C9orf72: variants seen among roughly 807,000 people sequenced by gnomAD.
The protein encoded by C9orf72 is C9orf72-SMCR8 complex subunit.
Under a neutral mutation model 51.6 loss-of-function variants are expected in C9orf72, and 44 were observed. The ratio of observed to expected loss-of-function variants is 0.85; its 90% CI spans 0.67 to 1.10. The LOEUF (loss-of-function observed/expected upper bound fraction) is 1.10. Among genes scored for constraint, C9orf72 ranks in the 50% least tolerant of loss-of-function variants. The probability of loss-of-function intolerance (pLI) is 0.00; values close to 1 mark genes in which losing one functional copy is unlikely to be tolerated. For synonymous variants in C9orf72, 213 were observed against 194.2 expected (o/e 1.10, Z -0.81); for missense variants, 607 against 570.6 (o/e 1.06, Z -0.65).
At chr9:27,550,145 C>G (rs1285701263) in intron 9 of C9orf72, among the ~76,000 whole-genome samples, 2 of 149,020 alleles carry the variant, frequency 1.3e-5, no homozygotes, top group South Asian at 4.2e-4. Context: ...TATATATATC[C>G]TACAATGCTG....
At position 27,573,452 on chromosome 9, in the gene C9orf72, T is replaced by TCCGCCG. The variant is rs986474846; in HGVS notation, c.-72_-67dup. The TCCGCCG allele has an allele frequency of 1.4e-5, 2 of 143,796 alleles. No homozygotes were observed. Among genetic ancestry groups the TCCGCCG allele is most frequent in the Non-Finnish European group, 3.1e-5 (2 of 65,380 alleles). The allele number at this position is 143,796 out of a possible 1,614,324, so 8.9% of individuals were successfully genotyped here. ...TCACCCACTCGCCACCGCCTGCGCC[T>TCCGCCG]CCGCCGCCGCGGGCGCAGGCACCGC... On this transcript the variant is annotated 5_prime_UTR_variant, in exon 1 of 11. Transcript: ENST00000380003.
Position 27,562,354 on chromosome 9 carries a change from T to C in C9orf72, c.600+27A>G, listed in dbSNP as rs2589050. ...CTATAACCCCAAAAAACTCATAAAG[T>C]GTATAATTGCTCTCATTTAAACTTA... is the stretch of plus-strand genomic sequence containing the variant. On this transcript the variant is annotated intron_variant, in intron 4 of 10. Transcript: ENST00000380003. 1,188,008 of 1,188,130 alleles carry C rather than the reference T, an allele frequency of 1. 593,943 individuals carry two copies. The highest frequency in any genetic ancestry group is 1 in the East Asian group (40,418 of 40,418). The allele number at this position is 1,188,130 out of a possible 1,614,324, so 73.6% of individuals were successfully genotyped here. A position where few individuals can be genotyped will look rare whatever the true frequency, so the allele number is the denominator to read the frequency against.
In C9orf72 at chr9:27,547,039, A is replaced by G. The variant is rs1563897039; in HGVS notation, c.*1197T>C. Reference sequence around the variant, plus strand: ...GTAACTACAATGTCAACATTGTGTTAGAATTATATTAATCAGTTATTTTAT... The same window carrying G: ...GTAACTACAATGTCAACATTGTGTTGGAATTATATTAATCAGTTATTTTAT... On this transcript the variant is annotated 3_prime_UTR_variant, in exon 11 of 11. Coordinates refer to ENST00000380003, the MANE Select transcript of C9orf72 (RefSeq NM_018325.5). 1 of 152,626 alleles carries G rather than the reference A, an allele frequency of 6.6e-6. No homozygotes were observed. The highest frequency in any genetic ancestry group is 2.4e-5 in the African/African-American group (1 of 41,460). The allele number at this position is 152,626 out of a possible 1,614,324, so 9.5% of individuals were successfully genotyped here. A position where few individuals can be genotyped will look rare whatever the true frequency, so the allele number is the denominator to read the frequency against.
At chr9:27,567,238 A>G in intron 1 of C9orf72, 74 bp from the exon 2 acceptor site, 1 of 880,468 alleles carries the variant, frequency 1.1e-6, no homozygotes, top group Non-Finnish European at 1.7e-6. Context: ...CAAATGATTT[A>G]GACATATTTG....
In C9orf72 at chr9:27,561,463, C is replaced by T. The variant is rs113835171; in HGVS notation, c.665+122G>A. The T allele has an allele frequency of 6.8e-5, 70 of 1,028,894 alleles. No individual in the cohort carries two copies. The African/African-American group carries it at 1.7e-3, about 25-fold the overall frequency. 63.7% of individuals were successfully genotyped at this position (1,028,894 alleles called of 1,614,324 possible). On this transcript the variant is annotated intron_variant, in intron 5 of 10. Transcript: ENST00000380003. ...ACAAATTTAAGCAACAGTTCAAATA[C>T]GTAATGTCCCTAGAACAATCTAAGT...
chr9:27,548,848 AT>A (rs199834267), intron 9 of C9orf72, among the ~76,000 whole-genome samples, 182 bp from the exon 10 acceptor site: 14,087 of 144,970 alleles, frequency 0.097, 930 homozygotes, highest in East Asian at 0.31. Flanking sequence ...ACAATCTGAT[AT>A]TTTTTTTTTT....
chr9:27,573,279 G>C (rs2131551883), intron 1 of C9orf72, among the ~76,000 whole-genome samples, 152 bp downstream of exon 1: 1 of 152,228 alleles, frequency 6.6e-6, no homozygotes, highest in South Asian at 2.1e-4. Context: ...AGTCGCTAGA[G>C]GCGAAAGCCC....
chr9:27,565,872 T>C (rs1819456458), intron 2 of C9orf72, among the ~76,000 whole-genome samples: 1 of 152,138 alleles, frequency 6.6e-6, no homozygotes, highest in Non-Finnish European at 1.5e-5. Context: ...AGGAAAAGAA[T>C]GACTTGCACT....
In C9orf72 at chr9:27,547,840, A is replaced by G. The variant is rs1433374508; in HGVS notation, c.*396T>C. The G allele has an allele frequency of 1.3e-5, 2 of 153,988 alleles. No individual in the cohort carries two copies. Among genetic ancestry groups the G allele is most frequent in the Non-Finnish European group, 2.9e-5 (2 of 68,994 alleles). 9.5% of individuals were successfully genotyped at this position (153,988 alleles called of 1,614,324 possible). Reference sequence around the variant, plus strand: ...GTATTACAGTAATTCTACACACCAAAGAATGCCAAAAGATAGAAAGTCAAC... The same window carrying G: ...GTATTACAGTAATTCTACACACCAAGGAATGCCAAAAGATAGAAAGTCAAC... On this transcript the variant is annotated 3_prime_UTR_variant, in exon 11 of 11. Transcript: ENST00000380003.
intron 1 of C9orf72, among the ~76,000 whole-genome samples, chr9:27,568,822 G>A (rs1283386132): frequency 1.3e-5 from 2 of 151,814 alleles, no homozygotes; most frequent in Non-Finnish European, 2.9e-5. Flanking sequence ...TTATTTTAGA[G>A]TGCACTCCTT....
rs373709108 is a variant in C9orf72 at position 27,566,925 on chromosome 9, T to A, written c.196A>T (p.Thr66Ser). 3.7e-6 allele frequency: 6 copies of A among 1,614,004 alleles called. No individual in the cohort carries two copies. Among genetic ancestry groups the A allele is most frequent in the Non-Finnish European group, 5.1e-6 (6 of 1,179,942 alleles). The change falls in exon 2 of 11, where the codon ACT becomes TCT. Residue 66 changes from threonine to serine, a missense_variant. Thr to Ser is a moderately conservative substitution (Grantham distance 58). Transcript: ENST00000380003. ...TTTCGAAGGATTTCTCCATTTAGAG[T>A]GTGGTTGGCAAGAAAAGTTATTTCT... ...DGEITFLANH[T>S]LNGEILRNAE...
At chr9:27,569,904 T>C (rs1819548774) in intron 1 of C9orf72, among the ~76,000 whole-genome samples, 3 of 152,224 alleles carry the variant, frequency 2.0e-5, no homozygotes, top group African/African-American at 7.2e-5. Flanking sequence ...AAGAATTTCA[T>C]CCACATCTTG....
chr9:27,566,885 G>C lies in C9orf72; in HGVS notation c.236C>G (p.Ala79Gly), dbSNP rs776723269. ...GEILRNAESG[A>G]IDVKFFVLSE... ...CAAGACAAAAAACTTTACATCTATAGCACCACTCTCTGCATTTCGAAGGAT... is the reference window on the plus strand; with the variant it reads ...CAAGACAAAAAACTTTACATCTATACCACCACTCTCTGCATTTCGAAGGAT... Residue 79 changes from alanine to glycine, a missense_variant, in exon 2 of 11, where the codon GCT becomes GGT. Ala to Gly is a moderately conservative substitution (Grantham distance 60). Transcript: ENST00000380003. 6.2e-7 allele frequency: 1 copy of C among 1,613,764 alleles called. No individual in the cohort carries two copies. The highest frequency in any genetic ancestry group is 1.7e-5 in the Admixed American group (1 of 59,980).
chr9:27,567,801 T>C (rs1000972511), intron 1 of C9orf72, among the ~76,000 whole-genome samples: 7 of 152,024 alleles, frequency 4.6e-5, no homozygotes, highest in South Asian at 2.1e-4. Context: ...TAGACAGCCA[T>C]GTGAAGACAA....
chr9:27,561,448 G>C lies in C9orf72; in HGVS notation c.665+137C>G, dbSNP rs1819343992. 5 of 1,358,822 alleles carry C rather than the reference G, an allele frequency of 3.7e-6. No homozygotes were observed. The East Asian group carries it at 9.3e-5, about 25-fold the overall frequency. 84.2% of individuals were successfully genotyped at this position (1,358,822 alleles called of 1,614,324 possible). A position where few individuals can be genotyped will look rare whatever the true frequency, so the allele number is the denominator to read the frequency against. Reference sequence around the variant, plus strand: ...TGAGTGAAAAATAACACAAATTTAAGCAACAGTTCAAATACGTAATGTCCC... The same window carrying C: ...TGAGTGAAAAATAACACAAATTTAACCAACAGTTCAAATACGTAATGTCCC... On this transcript the variant is annotated intron_variant, in intron 5 of 10. Coordinates refer to ENST00000380003, the MANE Select transcript of C9orf72 (RefSeq NM_018325.5).
At position 27,561,619 on chromosome 9, in the gene C9orf72, T is replaced by C. The variant is rs1301952705; in HGVS notation, c.631A>G (p.Ile211Val). The change falls in exon 5 of 11, where the codon ATT (isoleucine) becomes GTT (valine). Residue 211 changes from isoleucine to valine, a missense_variant. Ile to Val is a conservative substitution (Grantham distance 29). Transcript: ENST00000380003. ...IADTVLNDDDIGDSCHEGFLL... is the reference protein window; with the variant it reads ...IADTVLNDDDVGDSCHEGFLL... ...AAGCCTTCATGACAGCTGTCACCAA[T>C]ATCATCATCATTGAGTACTGTATCA... is the stretch of plus-strand genomic sequence containing the variant. 6.2e-7 allele frequency: 1 copy of C among 1,611,268 alleles called. No individual in the cohort carries two copies. Among genetic ancestry groups the C allele is most frequent in the Admixed American group, 1.7e-5 (1 of 59,764 alleles).
In C9orf72 at chr9:27,547,566, G is replaced by T. The variant is rs767671918; in HGVS notation, c.*670C>A. The T allele has an allele frequency of 6.6e-6, 1 of 152,584 alleles. No homozygotes were observed. The highest frequency in any genetic ancestry group is 6.5e-5 in the Admixed American group (1 of 15,274). 9.5% of individuals were successfully genotyped at this position (152,584 alleles called of 1,614,324 possible). A position where few individuals can be genotyped will look rare whatever the true frequency, so the allele number is the denominator to read the frequency against. On this transcript the variant is annotated 3_prime_UTR_variant, in exon 11 of 11. Transcript: ENST00000380003. ...TCAACTACATAGAATATCAACAATA[G>T]CAAGAACAATAAAATAAACAAAACA... is the stretch of plus-strand genomic sequence containing the variant.
At chr9:27,561,264 T>A (rs532281381) in intron 5 of C9orf72, 1 of 1,087,904 alleles carries the variant, frequency 9.2e-7, no homozygotes, top group East Asian at 8.4e-5. Context: ...CTTAAGTTCA[T>A]CTACAGTACA....
intron 8 of C9orf72, among the ~76,000 whole-genome samples, chr9:27,556,023 C>G (rs12348486): frequency 2.1e-5 from 3 of 143,558 alleles, no homozygotes; most frequent in African/African-American, 7.7e-5. Flanking sequence ...CATTACTTTT[C>G]CTTTTGAATT....
Sources: allele counts gnomAD v4.1 joint callset (sites outside exome capture counted in the v4.1 genomes callset), GRCh38; gene constraint gnomAD v4.1.1; transcripts MANE v1.5; gene names NCBI Gene and HGNC (gene_info 2026-07-23, HGNC 2026-07-21).